KIAA1549L: variants seen among roughly 807,000 people sequenced by gnomAD.
KIAA1549L encodes KIAA1549 like.
A neutral mutation model predicts 160.7 loss-of-function variants in KIAA1549L; 88 were observed. The ratio of observed to expected loss-of-function variants is 0.55; its 90% CI spans 0.46 to 0.65. The LOEUF (loss-of-function observed/expected upper bound fraction) is 0.65, where lower values mean the gene tolerates loss of function less well. Ranked by LOEUF, KIAA1549L falls within the 30% of genes least tolerant of loss-of-function variation. The pLI is 0.00. For synonymous variants in KIAA1549L, 950 were observed against 976.7 expected (o/e 0.97, Z 0.51); for missense variants, 2,258 against 2,437.5 (o/e 0.93, Z 1.55).
At chr11:33,439,366 A>G (rs1200420775) in intron 1 of KIAA1549L, among the ~76,000 whole-genome samples, 2 of 152,014 alleles carry the variant, frequency 1.3e-5, no homozygotes, top group Non-Finnish European at 2.9e-5. Flanking sequence ...ATTTGGGGGT[A>G]TCTATCACCT....
rs1266985365 is a variant in KIAA1549L at position 33,670,372 on chromosome 11, C to CA, written c.*2218_*2219insA. 3.9e-5 allele frequency: 6 copies of CA among 152,196 alleles called. No homozygotes were observed. Among genetic ancestry groups the CA allele is most frequent in the African/African-American group, 1.4e-4 (6 of 41,420 alleles). The allele number at this position is 152,196 out of a possible 1,614,324, so 9.4% of individuals were successfully genotyped here. ...GAGACTGAGTCTACAGTTTGCAGAG[C>CA]TATGGCTCCAGAGTGCTAAGAGGGT... On this transcript the variant is annotated 3_prime_UTR_variant, in exon 21 of 21. Transcript: ENST00000658780.
chr11:33,519,982 G>A (rs1377251911), intron 1 of KIAA1549L, among the ~76,000 whole-genome samples: 1 of 149,490 alleles, frequency 6.7e-6, no homozygotes, highest in Non-Finnish European at 1.5e-5. Context: ...AGGAATGACT[G>A]ACATACAAAA....
chr11:33,566,695 C>T (rs1430515828), intron 8 of KIAA1549L, among the ~76,000 whole-genome samples: 1 of 152,230 alleles, frequency 6.6e-6, no homozygotes, highest in African/African-American at 2.4e-5. Context: ...CGCCGGTTAT[C>T]TGGGCTTGTA....
At position 33,544,989 on chromosome 11, in the gene KIAA1549L, C is replaced by A; in HGVS notation, c.2996C>A (p.Ala999Glu). ...TCTGGCCCAAAGAGGACACCAGGGG[C>A]AGTCCATACAGCCTTCCCATTCACA... ...AASGPKRTPG[A>E]VHTAFPFTPT... is the part of the protein sequence containing the mutation. The change falls in exon 3 of 21, where the codon GCA becomes GAA. Residue 999 changes from alanine to glutamate, a missense_variant. Coordinates refer to ENST00000658780, the MANE Select transcript of KIAA1549L (RefSeq NM_012194.3). The A allele has an allele frequency of 1.9e-6, 3 of 1,614,020 alleles. No homozygotes were observed.
chr11:33,618,919 A>G (rs924451873), intron 16 of KIAA1549L, among the ~76,000 whole-genome samples: 1 of 152,220 alleles, frequency 6.6e-6, no homozygotes, highest in Admixed American at 6.5e-5. Context: ...CTTTAAACTC[A>G]ATGGATATTC....
At position 33,543,220 on chromosome 11, in the gene KIAA1549L, A is replaced by G. The variant is rs1854095493; in HGVS notation, c.1657A>G (p.Thr553Ala). Reference sequence around the variant, plus strand: ...AAGCAAAGTTCCTAATCTTCTTTCCACATCTTGGACATTTCCCCGGTGGAA... The same window carrying G: ...AAGCAAAGTTCCTAATCTTCTTTCCGCATCTTGGACATTTCCCCGGTGGAA... ...LSSKVPNLLS[T>A]SWTFPRWKKD... is the part of the protein sequence containing the mutation. The change falls in exon 2 of 21, where the codon ACA becomes GCA. Residue 553 changes from threonine to alanine, a missense_variant. Thr to Ala is a moderately conservative substitution (Grantham distance 58). Transcript: ENST00000658780. 2 of 1,613,806 alleles carry G rather than the reference A, an allele frequency of 1.2e-6. No individual in the cohort carries two copies. Among genetic ancestry groups the G allele is most frequent in the African/African-American group, 1.3e-5 (1 of 74,890 alleles).
rs117986593 is a variant in KIAA1549L, at chr11:33,567,814, C to G, written c.4079-262C>G. ...CAGGCTCTGGAGTTACACAGTCTGG[C>G]TTGGGTTTGGACCCTGACTCTGCTG... On this transcript the variant is annotated intron_variant, in intron 8 of 20. Transcript: ENST00000658780. Among the ~76,000 whole-genome samples, 4 of 152,330 alleles carry G rather than the reference C, an allele frequency of 2.6e-5. No individual in the cohort carries two copies. In the East Asian group the frequency reaches 7.7e-4, roughly 29 times the overall value.
intron 1 of KIAA1549L, among the ~76,000 whole-genome samples, chr11:33,407,575 G>C (rs539097567): frequency 6.6e-6 from 1 of 152,088 alleles, no homozygotes; most frequent in South Asian, 2.1e-4. Context: ...TTTCAAACTT[G>C]TGACCTCAAG....
intron 1 of KIAA1549L, among the ~76,000 whole-genome samples, chr11:33,399,628 G>A (rs1362699193): frequency 6.6e-6 from 1 of 152,210 alleles, no homozygotes; most frequent in Non-Finnish European, 1.5e-5. Flanking sequence ...CCCCAGCTCT[G>A]CCCGCTGTCA....
At chr11:33,631,972 A>C (rs1851302655) in intron 16 of KIAA1549L, among the ~76,000 whole-genome samples, 1 of 152,184 alleles carries the variant, frequency 6.6e-6, no homozygotes, top group Admixed American at 6.5e-5. Flanking sequence ...AAAATGGGTC[A>C]CGTTTCTAGC....
At chr11:33,412,637 C>G (rs1465794266) in intron 1 of KIAA1549L, among the ~76,000 whole-genome samples, 1 of 152,206 alleles carries the variant, frequency 6.6e-6, no homozygotes, top group South Asian at 2.1e-4. Flanking sequence ...GTCATTTGCT[C>G]TATGACTGAT....
intron 1 of KIAA1549L, among the ~76,000 whole-genome samples, chr11:33,399,023 G>T (rs1850444884): frequency 6.7e-6 from 1 of 149,002 alleles, no homozygotes; most frequent in South Asian, 2.1e-4. Context: ...CACAATCTCT[G>T]CTCACTGCAA....
intron 11 of KIAA1549L, among the ~76,000 whole-genome samples, chr11:33,589,213 A>G (rs1055492239): frequency 2.6e-5 from 4 of 152,240 alleles, no homozygotes; most frequent in Non-Finnish European, 5.9e-5. Flanking sequence ...ACAATGAGAT[A>G]TCATCTCACA....
chr11:33,418,866 C>A (rs1252360884), intron 1 of KIAA1549L, among the ~76,000 whole-genome samples: 1 of 149,032 alleles, frequency 6.7e-6, no homozygotes, highest in Non-Finnish European at 1.5e-5. Flanking sequence ...CCCTTTATGT[C>A]AGTATGTTGC....
chr11:33,585,062 T>C (rs1261013892), intron 11 of KIAA1549L, among the ~76,000 whole-genome samples: 3 of 152,222 alleles, frequency 2.0e-5, no homozygotes, highest in Non-Finnish European at 2.9e-5. Flanking sequence ...CCTGTTTTGA[T>C]GCTGCAGCTC....
rs1849967420 is a variant in KIAA1549L, at chr11:33,376,957, AC to A, written c.238+70del. On this transcript the variant is annotated intron_variant, in intron 1 of 20. Transcript: ENST00000658780. The surrounding 1 kb of genome is among the most constrained non-coding windows in gnomAD (Gnocchi z 5.8). ...AGCGGGGCGGCGGGACGGGACCCAC[AC>A]CTGCCCAGGTGGCGGTGGAGAGGTA... The A allele has an allele frequency of 6.6e-6, 1 of 152,122 alleles. No individual in the cohort carries two copies. Among genetic ancestry groups the A allele is most frequent in the African/African-American group, 2.4e-5 (1 of 41,416 alleles). The allele number at this position is 152,122 out of a possible 1,614,324, so 9.4% of individuals were successfully genotyped here. A position where few individuals can be genotyped will look rare whatever the true frequency, so the allele number is the denominator to read the frequency against.
In KIAA1549L at chr11:33,516,728, TCCAA is replaced by T. The variant is rs564314761; in HGVS notation, c.239-25071_239-25068del. On this transcript the variant is annotated intron_variant, in intron 1 of 20. Coordinates refer to ENST00000658780, the MANE Select transcript of KIAA1549L (RefSeq NM_012194.3). ...AAACACCTGTTTTCTTTCTGACCAA[TCCAA>T]CCTTTAATTTCTCCTATGGCTGAAG... Among the ~76,000 whole-genome samples, 826 of 152,322 alleles carry T rather than the reference TCCAA, an allele frequency of 5.4e-3. 6 individuals carry two copies. The highest frequency in any genetic ancestry group is 7.0e-3 in the Non-Finnish European group (478 of 68,026).
At chr11:33,589,896 T>C (rs1433403875) in intron 11 of KIAA1549L, among the ~76,000 whole-genome samples, 1 of 152,106 alleles carries the variant, frequency 6.6e-6, no homozygotes, top group East Asian at 1.9e-4. Flanking sequence ...ACCCTAAAAC[T>C]TAAAGTATAA....
intron 1 of KIAA1549L, among the ~76,000 whole-genome samples, chr11:33,401,669 C>T (rs537056836): frequency 6.6e-6 from 1 of 152,256 alleles, no homozygotes; most frequent in South Asian, 2.1e-4. Context: ...TCAACCGATC[C>T]TCCCACCTCA....
Sources: allele counts gnomAD v4.1 joint callset (sites outside exome capture counted in the v4.1 genomes callset), GRCh38; gene constraint gnomAD v4.1.1; non-coding constraint Gnocchi (gnomAD v3.1); transcripts MANE v1.5; gene names NCBI Gene and HGNC (gene_info 2026-07-23, HGNC 2026-07-21).